Variants in KLF8 observed in about 807,000 individuals in gnomAD.
KLF8 encodes KLF transcription factor 8.
Under a neutral mutation model 18.2 loss-of-function variants are expected in KLF8, and 10 were observed. The observed-to-expected ratio is 0.55, with a 90% CI of 0.34 to 0.93. The LOEUF is 0.93. Ranked by LOEUF, KLF8 falls within the 40% of genes least tolerant of loss-of-function variation. KLF8 has a pLI of 0.02. For synonymous variants in KLF8, 109 were observed against 97.3 expected (o/e 1.12, Z -0.71); for missense variants, 264 against 277.9 (o/e 0.95, Z 0.36).
the KLF8 span, among the ~76,000 whole-genome samples, chrX:55,996,708 C>T: frequency 6.3e-5 from 7 of 111,658 alleles, no homozygotes; most frequent in Non-Finnish European, 1.1e-4. Context: ...TTTTCTCTGG[C>T]CCCTACAGGT....
At chrX:55,949,333 CTGTGTGTGTGTGTGTGTGTG>C in the KLF8 span, among the ~76,000 whole-genome samples, 1 of 88,178 alleles carries the variant, frequency 1.1e-5, no homozygotes, top group Non-Finnish European at 2.3e-5. Flanking sequence ...TTTTCATATG[CTGTGTGTGTGTGTGTGTGTG>C]TGTGTGTGTG....
chrX:55,976,534 C>T, the KLF8 span, among the ~76,000 whole-genome samples: 9,367 of 109,373 alleles, frequency 0.086, 997 homozygotes, highest in African/African-American at 0.3. Context: ...TCACAAATAA[C>T]TTTATTTTTA....
the KLF8 span, among the ~76,000 whole-genome samples, chrX:56,187,986 C>G: frequency 9.0e-6 from 1 of 111,662 alleles, no homozygotes; most frequent in African/African-American, 3.3e-5. Flanking sequence ...CCCTCTCTCA[C>G]CACTCCTATT....
chrX:56,000,348 C>T, the KLF8 span, among the ~76,000 whole-genome samples: 2 of 108,887 alleles, frequency 1.8e-5, no homozygotes, highest in African/African-American at 6.7e-5. Context: ...GTGGTACTTG[C>T]TTCATAGTAT....
the KLF8 span, among the ~76,000 whole-genome samples, chrX:55,998,945 G>A: frequency 9.2e-6 from 1 of 109,242 alleles, no homozygotes; most frequent in African/African-American, 3.3e-5. Context: ...CATTGTTTAG[G>A]TTTTCTTCTA....
At chrX:56,057,353 T>G in the KLF8 span, among the ~76,000 whole-genome samples, 1 of 110,310 alleles carries the variant, frequency 9.1e-6, no homozygotes, top group African/African-American at 3.3e-5. Context: ...GGGTGGTGGT[T>G]TGTATATTTG....
chrX:55,915,015 T>C, the KLF8 span, among the ~76,000 whole-genome samples: 9 of 111,173 alleles, frequency 8.1e-5, no homozygotes, highest in African/African-American at 2.6e-4. Context: ...GAAAAATTAC[T>C]GGGACCAGAA....
At chrX:56,160,067 C>T in the KLF8 span, among the ~76,000 whole-genome samples, 1 of 111,479 alleles carries the variant, frequency 9.0e-6, no homozygotes, top group African/African-American at 3.3e-5. Flanking sequence ...TGAATGTGTC[C>T]CAGAGATTCT....
At chrX:56,168,971 C>A in the KLF8 span, among the ~76,000 whole-genome samples, 158 of 111,646 alleles carry the variant, frequency 1.4e-3, 1 homozygote, top group African/African-American at 4.4e-3. Flanking sequence ...AGCTGTATTG[C>A]AAAGCTCTAG....
chrX:56,171,956 C>T, the KLF8 span, among the ~76,000 whole-genome samples: 1 of 111,495 alleles, frequency 9.0e-6, no homozygotes, highest in African/African-American at 3.3e-5. Context: ...ACACTATCGT[C>T]CACAATGGTT....
chrX:56,071,221 G>T, the KLF8 span, among the ~76,000 whole-genome samples: 2 of 110,757 alleles, frequency 1.8e-5, no homozygotes, highest in African/African-American at 6.6e-5. Flanking sequence ...ATTACCAGAA[G>T]GTAATTAAAG....
At chrX:56,233,471 T>C (rs904688585) in intron 1 of KLF8, 130 bp downstream of exon 1, 259 of 520,687 alleles carry the variant, frequency 5.0e-4, no homozygotes, top group Non-Finnish European at 6.9e-4. Context: ...GAGCGGAAGG[T>C]TAAGAACACT....
the KLF8 span, among the ~76,000 whole-genome samples, chrX:56,094,059 CA>C: frequency 1.8e-5 from 2 of 108,685 alleles, no homozygotes; most frequent in African/African-American, 6.7e-5. Context: ...GCAGGAAGAA[CA>C]AGGACAATGA....
the KLF8 span, among the ~76,000 whole-genome samples, chrX:56,218,638 G>A: frequency 8.9e-6 from 1 of 112,030 alleles, no homozygotes; most frequent in East Asian, 2.8e-4. Context: ...ACATACAATT[G>A]CTATCTTGCT....
the KLF8 span, among the ~76,000 whole-genome samples, chrX:55,981,476 A>G: frequency 8.9e-6 from 1 of 112,331 alleles, no homozygotes; most frequent in African/African-American, 3.2e-5. Context: ...CAAATTGAAA[A>G]TATGAGAGAA....
chrX:56,176,785 T>G, the KLF8 span, among the ~76,000 whole-genome samples: 9 of 111,898 alleles, frequency 8.0e-5, no homozygotes, highest in Non-Finnish European at 1.3e-4. Context: ...CATATTTCTT[T>G]GAGGCTTTGT....
the KLF8 span, among the ~76,000 whole-genome samples, chrX:55,950,565 G>T: frequency 9.0e-6 from 1 of 111,341 alleles, no homozygotes; most frequent in African/African-American, 3.3e-5. Flanking sequence ...AGGATTAAAT[G>T]AGCTTATGCA....
At chrX:56,129,570 C>T in the KLF8 span, among the ~76,000 whole-genome samples, 1 of 111,247 alleles carries the variant, frequency 9.0e-6, no homozygotes, top group African/African-American at 3.3e-5. Context: ...TCACAGGAGT[C>T]CTGTGGGAGG....
the KLF8 span, among the ~76,000 whole-genome samples, chrX:56,000,682 G>T: frequency 4.5e-5 from 5 of 110,725 alleles, no homozygotes; most frequent in Admixed American, 3.8e-4. Context: ...CCTGGTATTA[G>T]TTGTAATGTT....
Sources: gnomAD v4.1 joint callset for allele counts (sites outside exome capture counted in the v4.1 genomes callset) on GRCh38, gnomAD v4.1.1 for gene constraint, MANE v1.5 for transcripts, NCBI Gene and HGNC (gene_info 2026-07-23, HGNC 2026-07-21) for gene names.